Variants in THOC7 observed in about 807,000 individuals in gnomAD.
THOC7 encodes the protein NIF3L1-binding protein 1.
A neutral mutation model predicts 33.1 loss-of-function variants in THOC7; 22 were observed. The ratio of observed to expected loss-of-function variants is 0.66; its 90% CI spans 0.47 to 0.95. THOC7 has a LOEUF of 0.95. Ranked by LOEUF, THOC7 falls within the 40% of genes least tolerant of loss-of-function variation. The pLI, the probability that THOC7 is intolerant of heterozygous loss-of-function variation, is 0.00. For synonymous variants in THOC7, 77 were observed against 76.8 expected, an observed-to-expected ratio of 1.00 and a Z score of -0.01; for missense variants, 184 against 245.3, an observed-to-expected ratio of 0.75 and a Z score of 1.67.
At chr3:63,856,958 C>G (rs1457763740) in intron 1 of THOC7, among the ~76,000 whole-genome samples, 1 of 152,154 alleles carries the variant, frequency 6.6e-6, no homozygotes, top group East Asian at 1.9e-4. Context: ...GACCTCGTGA[C>G]CTACCCGCCT....
At chr3:63,841,244 G>A (rs1701753572) in intron 1 of THOC7, among the ~76,000 whole-genome samples, 1 of 152,204 alleles carries the variant, frequency 6.6e-6, no homozygotes, top group South Asian at 2.1e-4. Context: ...ATGCATGTGT[G>A]TATTCAGAGA....
At chr3:63,862,680 G>A (rs1224622535) in intron 1 of THOC7, among the ~76,000 whole-genome samples, 1 of 152,130 alleles carries the variant, frequency 6.6e-6, no homozygotes, top group Non-Finnish European at 1.5e-5. Flanking sequence ...TTAATGTGGA[G>A]ACCCTGGTGG....
chr3:63,834,076 C>T lies in THOC7; in HGVS notation c.*56G>A. 2 of 1,570,522 alleles carry T rather than the reference C, an allele frequency of 1.3e-6. No individual in the cohort carries two copies. The highest frequency in any genetic ancestry group is 2.2e-5 in the South Asian group (2 of 89,294). ...TCAAGAGCATACCACATTTTAAACACATTATGGTCATGTAGCTATTTCAAT... is the reference window on the plus strand; with the variant it reads ...TCAAGAGCATACCACATTTTAAACATATTATGGTCATGTAGCTATTTCAAT... On this transcript the variant is annotated 3_prime_UTR_variant, in exon 8 of 8. Transcript: ENST00000295899.
chr3:63,839,625 T>C, intron 2 of THOC7, 31 bp downstream of exon 2: 1 of 1,583,894 alleles, frequency 6.3e-7, no homozygotes, highest in Non-Finnish European at 8.7e-7. Context: ...ATTAGGACAC[T>C]GGTATGGAAA....
intron 2 of THOC7, among the ~76,000 whole-genome samples, chr3:63,839,216 T>C (rs1370051894): frequency 2.0e-5 from 3 of 152,116 alleles, no homozygotes; most frequent in African/African-American, 4.8e-5. Flanking sequence ...GATATACGTG[T>C]GTGCGTGTGT....
At chr3:63,863,694 G>C (rs897580551) in intron 1 of THOC7, 78 bp downstream of exon 1, 3 of 1,240,804 alleles carry the variant, frequency 2.4e-6, no homozygotes, top group African/African-American at 1.6e-5. Context: ...TCCCGGAAGC[G>C]GGCCGGGAGG....
At chr3:63,836,439 C>T (rs1199174579) in intron 4 of THOC7, 81 bp from the exon 5 acceptor site, 3 of 1,290,638 alleles carry the variant, frequency 2.3e-6, no homozygotes, top group South Asian at 1.2e-5. Context: ...TATCACAAAC[C>T]TCTCCTAATC....
rs1701716017 is a variant in THOC7, at chr3:63,839,666, G to A, written c.127C>T (p.Gln43Ter). The change falls in exon 2 of 8, where the codon CAG becomes TAG. Residue 43 changes from glutamine (Q) to a stop codon, truncating the protein, a stop_gained. Coordinates refer to ENST00000295899, the MANE Select transcript of THOC7 (RefSeq NM_025075.4). LOFTEE classifies it high-confidence loss of function. Reference protein sequence around the residue: ...SFIKWCNSGSQEEGYSQYQRM... With the variant: ...SFIKWCNSGS ...GTGAAAATGAAATACCCCTCTTCCTGGGACCCAGAGTTGCACCATTTAATG... is the reference window on the plus strand; with the variant it reads ...GTGAAAATGAAATACCCCTCTTCCTAGGACCCAGAGTTGCACCATTTAATG... The A allele has an allele frequency of 6.2e-7, 1 of 1,611,698 alleles. No individual in the cohort carries two copies. Among genetic ancestry groups the A allele is most frequent in the Admixed American group, 1.7e-5 (1 of 59,990 alleles).
At chr3:63,841,853 G>C (rs1381267715) in intron 1 of THOC7, among the ~76,000 whole-genome samples, 1 of 152,176 alleles carries the variant, frequency 6.6e-6, no homozygotes, top group African/African-American at 2.4e-5. Context: ...TCTAGTGGGT[G>C]AATCTGGTGG....
chr3:63,861,708 G>GT (rs1553681114), intron 1 of THOC7: 1 of 151,976 alleles, frequency 6.6e-6, no homozygotes, highest in Non-Finnish European at 1.5e-5. Flanking sequence ...GTAAACGTTA[G>GT]TAAGTGGCGA....
At chr3:63,843,703 A>T (rs1464243711) in intron 1 of THOC7, among the ~76,000 whole-genome samples, 2 of 152,104 alleles carry the variant, frequency 1.3e-5, no homozygotes. Context: ...GATCGAGACC[A>T]TCCTGGCTAA....
At chr3:63,835,412 T>C in intron 5 of THOC7, 22 bp from the exon 6 acceptor site, 1 of 1,610,346 alleles carries the variant, frequency 6.2e-7, no homozygotes, top group Non-Finnish European at 8.5e-7. Flanking sequence ...AAAACAGTGT[T>C]ACATTTTGCT....
intron 1 of THOC7, among the ~76,000 whole-genome samples, chr3:63,842,852 G>A (rs1701797672): frequency 6.6e-6 from 1 of 152,106 alleles, no homozygotes; most frequent in Non-Finnish European, 1.5e-5. Flanking sequence ...CATGATCTCG[G>A]CTCACTGCAA....
rs551878613 is a variant in THOC7, at chr3:63,839,519, C to G, written c.137+137G>C. The G allele has an allele frequency of 3.9e-6, 3 of 760,414 alleles. No homozygotes were observed. The South Asian group carries it at 4.7e-5, about 12-fold the overall frequency. The allele number at this position is 760,414 out of a possible 1,614,324, so 47.1% of individuals were successfully genotyped here. ...GAAGAGAAGAAAAGGCCAAGAAAAT[C>G]TACTCTTGGTTAATTAAGAGTTGAC... On this transcript the variant is annotated intron_variant, in intron 2 of 7. Transcript: ENST00000295899.
chr3:63,863,383 G>A, intron 1 of THOC7: 3 of 979,342 alleles, frequency 3.1e-6, no homozygotes, highest in South Asian at 4.8e-5. Context: ...CGGCTCCTGG[G>A]TCCTCACCGC....
At chr3:63,839,055 T>C (rs1335591060) in intron 2 of THOC7, among the ~76,000 whole-genome samples, 1 of 152,134 alleles carries the variant, frequency 6.6e-6, no homozygotes, top group African/African-American at 2.4e-5. Flanking sequence ...TCAGTCATGG[T>C]GTTGCATGCC....
intron 4 of THOC7, 98 bp downstream of exon 4, chr3:63,837,878 G>T: frequency 1.9e-6 from 2 of 1,029,662 alleles, no homozygotes; most frequent in Non-Finnish European, 1.4e-6. Context: ...AATCCAGGTT[G>T]ATTCAGGCTG....
intron 4 of THOC7, among the ~76,000 whole-genome samples, chr3:63,837,430 A>G (rs987841479): frequency 6.6e-6 from 1 of 152,082 alleles, no homozygotes; most frequent in African/African-American, 2.4e-5. Flanking sequence ...TAGGAACTAC[A>G]TAAGGGTATA....
At chr3:63,852,330 A>G (rs1033625017) in intron 1 of THOC7, among the ~76,000 whole-genome samples, 2 of 152,192 alleles carry the variant, frequency 1.3e-5, no homozygotes, top group African/African-American at 4.8e-5. Flanking sequence ...AAAAACTAAT[A>G]AAAGGGGTTA....
Sources: gnomAD v4.1 joint callset for allele counts (sites outside exome capture counted in the v4.1 genomes callset) on GRCh38, gnomAD v4.1.1 for gene constraint, MANE v1.5 for transcripts, NCBI Gene and HGNC (gene_info 2026-07-23, HGNC 2026-07-21) for gene names.